Variants in DNAH8 observed in about 807,000 individuals in gnomAD.
DNAH8 encodes the protein axonemal beta dynein heavy chain 8.
Under a neutral mutation model 562.1 loss-of-function variants are expected in DNAH8, and 382 were observed. The ratio of observed to expected loss-of-function variants is 0.68; its 90% confidence interval spans 0.63 to 0.74. The LOEUF (loss-of-function observed/expected upper bound fraction) is 0.74, where lower values mean the gene tolerates loss of function less well. DNAH8 is among the 30% of genes least tolerant of loss of function. The probability of loss-of-function intolerance (pLI) is 0.00; values close to 1 mark genes in which losing one functional copy is unlikely to be tolerated. For missense variants in DNAH8, 5,203 were observed against 5,620.4 expected, an observed-to-expected ratio of 0.93 and a Z score of 2.37; for synonymous variants, 1,881 against 1,919.4, an observed-to-expected ratio of 0.98 and a Z score of 0.52.
intron 91 of DNAH8, among the ~76,000 whole-genome samples, chr6:39,018,065 C>T (rs1766672798): frequency 6.6e-6 from 1 of 152,124 alleles, no homozygotes; most frequent in Admixed American, 6.5e-5. Context: ...GGTGAGTGGA[C>T]CTCAAGTCCT....
At chr6:38,859,502 T>C (rs1776445453) in intron 42 of DNAH8, among the ~76,000 whole-genome samples, 1 of 152,212 alleles carries the variant, frequency 6.6e-6, no homozygotes, top group Non-Finnish European at 1.5e-5. Context: ...TTAGTGTCAG[T>C]TGAATGACCT....
At chr6:38,785,852 T>C (rs1769111432) in intron 17 of DNAH8, among the ~76,000 whole-genome samples, 1 of 152,244 alleles carries the variant, frequency 6.6e-6, no homozygotes. Flanking sequence ...TTAAGGGCCA[T>C]ATCAAGACTA....
At chr6:38,970,419 A>G (rs567228778) in intron 82 of DNAH8, among the ~76,000 whole-genome samples, 1 of 152,082 alleles carries the variant, frequency 6.6e-6, no homozygotes, top group African/African-American at 2.4e-5. Context: ...GGGAAAATCC[A>G]CCTTTGCTTG....
chr6:38,906,278 A>G lies in DNAH8; in HGVS notation c.9219A>G (p.Thr3073=), dbSNP rs1307923724. ...GGTCTTACAATGTGACTAATCTAAC[A>G]GATGATTTAAAAGCTTTGTACAAAG... ...LTRSYNVTNL[T]DDLKALYKVA... The change falls in exon 63 of 93, where the codon ACA becomes ACG. Residue 3073 remains threonine (T), a synonymous_variant. Transcript: ENST00000327475. 1.3e-6 allele frequency: 2 copies of G among 1,599,490 alleles called. No homozygotes were observed. The highest frequency in any genetic ancestry group is 1.7e-6 in the Non-Finnish European group (2 of 1,170,386).
At chr6:38,925,304 ATTTT>A (rs1782026185) in intron 73 of DNAH8, among the ~76,000 whole-genome samples, 1 of 118,418 alleles carries the variant, frequency 8.4e-6, no homozygotes, top group African/African-American at 3.6e-5. Flanking sequence ...ATTTTATTTT[ATTTT>A]ATTTTATTTT....
At chr6:38,732,777 C>T (rs1246132763) in intron 4 of DNAH8, among the ~76,000 whole-genome samples, 12 of 152,162 alleles carry the variant, frequency 7.9e-5, no homozygotes, top group Admixed American at 7.9e-4. Flanking sequence ...AGCCCTGGCA[C>T]TCGTATCCTC....
At chr6:38,895,983 G>A (rs749176460) in intron 59 of DNAH8, 50 bp from the exon 60 acceptor site, 1 of 1,515,652 alleles carries the variant, frequency 6.6e-7, no homozygotes, top group African/African-American at 1.4e-5. Flanking sequence ...TGTTCAGTTA[G>A]AAAAGATGCT....
chr6:38,759,392 C>G (rs1678673), intron 10 of DNAH8, among the ~76,000 whole-genome samples: 15,268 of 152,118 alleles, frequency 0.1, 1,384 homozygotes, highest in East Asian at 0.44. Context: ...GTAAATTATT[C>G]AAGCATAACG....
At chr6:38,854,687 C>G (rs1776043150) in intron 41 of DNAH8, among the ~76,000 whole-genome samples, 1 of 151,736 alleles carries the variant, frequency 6.6e-6, no homozygotes, top group Non-Finnish European at 1.5e-5. Flanking sequence ...CCCTGTATAT[C>G]CTGAAGGAGA....
chr6:38,850,411 C>T lies in DNAH8; in HGVS notation c.5360C>T (p.Thr1787Ile), dbSNP rs1775648908. ...TTGGAAGTATGTCAGAAGTCACTCA[C>T]AGGGTAAGAGTTTAATTTTTAAATC... ...EQLEVCQKSL[T>I]GYLEKKRLLF... The change falls in exon 38 of 93, where the codon ACA (threonine) becomes ATA (isoleucine). Residue 1787 changes from threonine (T) to isoleucine (I), a missense_variant. Physicochemically the swap from Thr to Ile is moderately conservative, Grantham distance 89. Transcript: ENST00000327475. The T allele has an allele frequency of 1.2e-6, 2 of 1,611,992 alleles. No individual in the cohort carries two copies. Among genetic ancestry groups the T allele is most frequent in the Non-Finnish European group, 1.7e-6 (2 of 1,179,012 alleles).
At chr6:38,753,146 A>T (rs957619505) in intron 9 of DNAH8, among the ~76,000 whole-genome samples, 2 of 152,036 alleles carry the variant, frequency 1.3e-5, no homozygotes, top group South Asian at 4.2e-4. Flanking sequence ...TACCCCTGCT[A>T]CTAGTAGCTG....
chr6:38,717,585 A>G (rs564429420), intron 1 of DNAH8, among the ~76,000 whole-genome samples: 5 of 151,014 alleles, frequency 3.3e-5, no homozygotes, highest in Admixed American at 3.3e-4. Flanking sequence ...ATGTTACAGT[A>G]TATGATATGC....
intron 87 of DNAH8, among the ~76,000 whole-genome samples, chr6:38,985,321 G>A (rs566143649): frequency 1.6e-4 from 25 of 152,260 alleles, no homozygotes; most frequent in African/African-American, 5.5e-4. Context: ...AAAACCAGAT[G>A]TCTTTTATGG....
intron 12 of DNAH8, among the ~76,000 whole-genome samples, chr6:38,773,358 G>A (rs1428621745): frequency 3.3e-5 from 5 of 152,058 alleles, no homozygotes; most frequent in African/African-American, 9.7e-5. Flanking sequence ...AAAGATCTTT[G>A]GGGGTGGGTC....
At chr6:38,928,515 G>A (rs1782285936) in intron 74 of DNAH8, among the ~76,000 whole-genome samples, 1 of 152,108 alleles carries the variant, frequency 6.6e-6, no homozygotes, top group Non-Finnish European at 1.5e-5. Flanking sequence ...TTCATCCAGG[G>A]AAACAACTTC....
At chr6:39,010,400 A>G (rs11964974) in intron 89 of DNAH8, among the ~76,000 whole-genome samples, 23,468 of 152,186 alleles carry the variant, frequency 0.15, 1,935 homozygotes, top group Middle Eastern at 0.25. Context: ...CATAATGAAA[A>G]TGCTATATAA....
intron 87 of DNAH8, 178 bp downstream of exon 87, chr6:38,984,485 CA>C: frequency 1.8e-6 from 1 of 568,330 alleles, no homozygotes. Flanking sequence ...CACACACACA[CA>C]CACACACACA....
chr6:38,849,332 A>G (rs1220193799), intron 37 of DNAH8, among the ~76,000 whole-genome samples: 3 of 152,172 alleles, frequency 2.0e-5, no homozygotes, highest in Non-Finnish European at 4.4e-5. Context: ...TAAGTCTACT[A>G]CTAGCAGATC....
At position 39,001,347 on chromosome 6, in the gene DNAH8, G is replaced by T. The variant is rs546119560; in HGVS notation, c.13215-7467G>T. Among the ~76,000 whole-genome samples the T allele has an allele frequency of 1.9e-3, 288 of 152,040 alleles. 1 individual carries two copies. The highest frequency in any genetic ancestry group is 1.5e-3 in the Non-Finnish European group (104 of 67,990). On this transcript the variant is annotated intron_variant, in intron 88 of 92. Transcript: ENST00000327475. ...CTGAAGTTGGAATGAAGATAAACAA[G>T]CATGTCATCATGTACAGAATGACAA...
Sources: gnomAD v4.1 joint callset for allele counts (sites outside exome capture counted in the v4.1 genomes callset) on GRCh38, gnomAD v4.1.1 for gene constraint, MANE v1.5 for transcripts, NCBI Gene and HGNC (gene_info 2026-07-23, HGNC 2026-07-21) for gene names.